The following CAST variants were observed in gnomAD, a reference collection of about 807,000 sequenced individuals.
The protein encoded by CAST is MIR583 host.
CAST carries 76 observed loss-of-function variants against 119.6 expected under a neutral mutation model. The ratio of observed to expected loss-of-function variants is 0.64; its 90% CI spans 0.53 to 0.77. The LOEUF (loss-of-function observed/expected upper bound fraction) is 0.77. Ranked by LOEUF, CAST falls within the 30% of genes least tolerant of loss-of-function variation. CAST has a pLI of 0.00. For synonymous variants in CAST, 319 were observed against 331.6 expected (o/e 0.96, Z 0.41); for missense variants, 953 against 946.5 (o/e 1.01, Z -0.09).
the CAST span, among the ~76,000 whole-genome samples, chr5:96,510,325 G>C: frequency 6.6e-6 from 1 of 152,170 alleles, no homozygotes; most frequent in African/African-American, 2.4e-5. Flanking sequence ...TGCTCCAGTA[G>C]ATTCTAGCTG....
chr5:96,651,018 A>G (rs1277277219), intron 1 of CAST, among the ~76,000 whole-genome samples: 1 of 152,168 alleles, frequency 6.6e-6, no homozygotes. Flanking sequence ...GAAGTTGGAT[A>G]ATAGTGTGGG....
At chr5:96,245,904 T>G in the CAST span, among the ~76,000 whole-genome samples, 2 of 152,166 alleles carry the variant, frequency 1.3e-5, no homozygotes, top group Non-Finnish European at 2.9e-5. Context: ...TATGGGAGAA[T>G]GAACTCTGTG....
chr5:96,595,418 G>T (rs1439714407), intron 1 of CAST, among the ~76,000 whole-genome samples: 1 of 152,182 alleles, frequency 6.6e-6, no homozygotes, highest in African/African-American at 2.4e-5. Flanking sequence ...TCGTCACTAG[G>T]GAAGCTGTGA....
At chr5:96,068,437 C>T in the CAST span, among the ~76,000 whole-genome samples, 1 of 152,042 alleles carries the variant, frequency 6.6e-6, no homozygotes, top group East Asian at 1.9e-4. Context: ...TGCCCTACTG[C>T]CTCACATTTT....
chr5:96,706,925 G>A (rs542303722), intron 3 of CAST, among the ~76,000 whole-genome samples: 6 of 152,174 alleles, frequency 3.9e-5, no homozygotes, highest in Admixed American at 1.3e-4. Flanking sequence ...AACTGGAGCC[G>A]CCACAGCTGA....
the CAST span, among the ~76,000 whole-genome samples, chr5:96,358,648 A>C: frequency 6.6e-6 from 1 of 152,066 alleles, no homozygotes; most frequent in Non-Finnish European, 1.5e-5. Flanking sequence ...GTTTTGCTTG[A>C]GTTTCTTAAT....
At chr5:96,363,138 T>A in the CAST span, among the ~76,000 whole-genome samples, 60 of 149,156 alleles carry the variant, frequency 4.0e-4, no homozygotes, top group Non-Finnish European at 7.6e-4. Flanking sequence ...AAAGATCAGA[T>A]GGTTGTAGAT....
At chr5:96,060,507 C>T in the CAST span, among the ~76,000 whole-genome samples, 1 of 152,108 alleles carries the variant, frequency 6.6e-6, no homozygotes, top group Admixed American at 6.6e-5. Flanking sequence ...TTCCAGCGTC[C>T]TATCACCAAG....
At chr5:96,684,369 G>C (rs73774385) in intron 2 of CAST, among the ~76,000 whole-genome samples, 1 of 151,972 alleles carries the variant, frequency 6.6e-6, no homozygotes, top group Non-Finnish European at 1.5e-5. Flanking sequence ...GGTGAGTCTC[G>C]TATTGATGTC....
At chr5:96,000,211 A>G in the CAST span, among the ~76,000 whole-genome samples, 3 of 150,856 alleles carry the variant, frequency 2.0e-5, no homozygotes, top group African/African-American at 7.3e-5. Context: ...TTGTCTTTTT[A>G]TTTTCCTGGT....
chr5:96,676,764 C>T (rs1409315524), intron 2 of CAST, among the ~76,000 whole-genome samples: 1 of 151,336 alleles, frequency 6.6e-6, no homozygotes, highest in Non-Finnish European at 1.5e-5. Context: ...TGAAAGTCTA[C>T]CTAGTGTCAG....
the CAST span, among the ~76,000 whole-genome samples, chr5:96,510,317 C>T: frequency 6.6e-6 from 1 of 152,156 alleles, no homozygotes; most frequent in African/African-American, 2.4e-5. Context: ...AGAGTCTTTG[C>T]TCCAGTAGAT....
chr5:95,988,604 C>T, the CAST span, among the ~76,000 whole-genome samples: 2 of 152,146 alleles, frequency 1.3e-5, no homozygotes, highest in African/African-American at 4.8e-5. Context: ...ATAGTGGAGA[C>T]TCTGAAGTCA....
At chr5:96,094,797 C>T in the CAST span, among the ~76,000 whole-genome samples, 318 of 152,246 alleles carry the variant, frequency 2.1e-3, 1 homozygote, top group African/African-American at 7.3e-3. Context: ...TTTTAAATTA[C>T]GTGACATTGG....
chr5:96,660,354 C>A (rs544441538), upstream of CAST, among the ~76,000 whole-genome samples: 11 of 152,322 alleles, frequency 7.2e-5, no homozygotes, highest in South Asian at 2.3e-3. Context: ...TATCCCTACA[C>A]CATCATGTGT....
At chr5:96,010,932 G>A in the CAST span, among the ~76,000 whole-genome samples, 6 of 152,268 alleles carry the variant, frequency 3.9e-5, no homozygotes, top group South Asian at 1.2e-3. Flanking sequence ...AAATGTTACT[G>A]ATTTTTGTAC....
the CAST span, among the ~76,000 whole-genome samples, chr5:96,221,947 T>C: frequency 6.6e-6 from 1 of 152,040 alleles, no homozygotes; most frequent in Non-Finnish European, 1.5e-5. Flanking sequence ...CACCCAGAAA[T>C]AAATCCACGT....
chr5:96,326,999 G>A, the CAST span, among the ~76,000 whole-genome samples: 1 of 152,196 alleles, frequency 6.6e-6, no homozygotes, highest in African/African-American at 2.4e-5. Context: ...ACCTTGTGCA[G>A]CAATGGAAAT....
chr5:96,640,971 A>G (rs1162039503), intron 1 of CAST, among the ~76,000 whole-genome samples: 1 of 152,220 alleles, frequency 6.6e-6, no homozygotes, highest in African/African-American at 2.4e-5. Flanking sequence ...GCTATATAAT[A>G]CCATAAAACT....
Sources: gnomAD v4.1 joint callset for allele counts (sites outside exome capture counted in the v4.1 genomes callset) on GRCh38, gnomAD v4.1.1 for gene constraint, MANE v1.5 for transcripts, NCBI Gene and HGNC (gene_info 2026-07-23, HGNC 2026-07-21) for gene names.